The following MAOB variants were observed in gnomAD, a reference collection of about 807,000 sequenced individuals.
MAOB encodes the protein amine oxidase [flavin-containing] B.
Under a neutral mutation model 41.9 loss-of-function variants are expected in MAOB, and 15 were observed. The observed-to-expected ratio is 0.36, with a 90% CI of 0.24 to 0.55. MAOB has a LOEUF of 0.55. Ranked by LOEUF, MAOB falls within the 20% of genes least tolerant of loss-of-function variation. The probability of loss-of-function intolerance (pLI) is 0.86; values close to 1 mark genes in which losing one functional copy is unlikely to be tolerated. For missense variants in MAOB, 345 were observed against 398.7 expected (o/e 0.87, Z 1.15); for synonymous variants, 167 against 144.2 (o/e 1.16, Z -1.13).
chrX:43,842,128 G>T (rs1291544796), intron 2 of MAOB, among the ~76,000 whole-genome samples: 4 of 111,798 alleles, frequency 3.6e-5, no homozygotes, highest in Non-Finnish European at 5.7e-5. Context: ...TAAAATGATA[G>T]TTTTCTTTAC....
At chrX:43,868,208 G>A (rs914887297) in intron 1 of MAOB, among the ~76,000 whole-genome samples, 1 of 112,466 alleles carries the variant, frequency 8.9e-6, no homozygotes, top group Non-Finnish European at 1.9e-5. Flanking sequence ...GAAAAGAAAT[G>A]CTTTCCTATT....
At chrX:43,790,350 A>T (rs1289118087) in intron 8 of MAOB, among the ~76,000 whole-genome samples, 3 of 111,791 alleles carry the variant, frequency 2.7e-5, no homozygotes, top group African/African-American at 9.8e-5. Context: ...GTGAGTCTGG[A>T]GCCCTACTTG....
chrX:43,795,637 G>T, intron 7 of MAOB, 102 bp downstream of exon 7: 1 of 682,250 alleles, frequency 1.5e-6, no homozygotes, highest in Non-Finnish European at 2.2e-6. Context: ...ATCAATCATT[G>T]GCATCAAAGG....
chrX:43,808,942 T>C (rs1016098617), intron 3 of MAOB, among the ~76,000 whole-genome samples: 4 of 110,685 alleles, frequency 3.6e-5, no homozygotes, highest in African/African-American at 1.3e-4. Flanking sequence ...CGACCTCAAG[T>C]AATCCTCCCA....
At chrX:43,828,606 GC>G (rs1233199949) in intron 3 of MAOB, among the ~76,000 whole-genome samples, 3 of 111,333 alleles carry the variant, frequency 2.7e-5, no homozygotes, top group African/African-American at 9.8e-5. Flanking sequence ...TTGAGGGCCT[GC>G]CCCGCAATTC....
At chrX:43,768,785 G>A in intron 13 of MAOB, 69 bp from the exon 14 acceptor site, 1 of 885,293 alleles carries the variant, frequency 1.1e-6, no homozygotes, top group Non-Finnish European at 1.7e-6. Context: ...GCTCCCTAAA[G>A]GACTAAGTAA....
At chrX:43,790,904 G>A (rs149821006) in intron 8 of MAOB, among the ~76,000 whole-genome samples, 11 of 111,880 alleles carry the variant, frequency 9.8e-5, no homozygotes, top group Admixed American at 6.6e-4. Context: ...AGGCATGAAT[G>A]GAAAGTTACA....
intron 3 of MAOB, among the ~76,000 whole-genome samples, chrX:43,811,529 T>C (rs993976450): frequency 6.3e-5 from 7 of 111,812 alleles, no homozygotes; most frequent in Admixed American, 9.5e-5. Context: ...AGGACCAAGC[T>C]TTCCTTTTGA....
At chrX:43,860,843 A>G (rs1468261020) in intron 1 of MAOB, among the ~76,000 whole-genome samples, 1 of 110,989 alleles carries the variant, frequency 9.0e-6, no homozygotes, top group Non-Finnish European at 1.9e-5. Flanking sequence ...GTTCCTTGAA[A>G]ATGCAAGGGT....
intron 1 of MAOB, among the ~76,000 whole-genome samples, chrX:43,866,242 G>A (rs1442883832): frequency 1.8e-5 from 2 of 111,652 alleles, no homozygotes; most frequent in Non-Finnish European, 3.8e-5. Flanking sequence ...TGTTAACACA[G>A]GTCACCTCAG....
intron 1 of MAOB, among the ~76,000 whole-genome samples, chrX:43,851,821 A>T (rs963528532): frequency 1.8e-5 from 2 of 111,923 alleles, no homozygotes; most frequent in Non-Finnish European, 3.8e-5. Context: ...CAAGGAAAAG[A>T]AGTCTGAGTG....
intron 3 of MAOB, among the ~76,000 whole-genome samples, chrX:43,837,318 T>C (rs761721360): frequency 1.4e-4 from 16 of 112,552 alleles, no homozygotes; most frequent in South Asian, 3.7e-4. Flanking sequence ...TGTCTCTTTT[T>C]CTCCTAGACA....
chrX:43,871,983 A>C (rs964719659), intron 1 of MAOB, among the ~76,000 whole-genome samples: 17 of 112,035 alleles, frequency 1.5e-4, no homozygotes, highest in African/African-American at 5.5e-4. Context: ...CAGCTGTTAC[A>C]ATAGGCTGTG....
At chrX:43,827,038 G>A (rs1279959831) in intron 3 of MAOB, among the ~76,000 whole-genome samples, 1 of 111,761 alleles carries the variant, frequency 8.9e-6, no homozygotes, top group Non-Finnish European at 1.9e-5. Context: ...TAATAAAGCA[G>A]AGAAAGCCTA....
At chrX:43,837,519 G>T (rs1192031711) in intron 3 of MAOB, among the ~76,000 whole-genome samples, 1 of 112,213 alleles carries the variant, frequency 8.9e-6, no homozygotes, top group African/African-American at 3.2e-5. Flanking sequence ...AAATTTGAAG[G>T]TCAACCAAAA....
intron 4 of MAOB, 61 bp downstream of exon 4, chrX:43,803,239 T>C: frequency 9.8e-7 from 1 of 1,024,298 alleles, no homozygotes. Context: ...TTTTACTTTC[T>C]TTCTTTGAAG....
At chrX:43,783,996 T>G (rs2034369087) in intron 8 of MAOB, among the ~76,000 whole-genome samples, 2 of 112,187 alleles carry the variant, frequency 1.8e-5, no homozygotes, top group Non-Finnish European at 3.8e-5. Flanking sequence ...AGAAATCACG[T>G]TCTTTGCACA....
intron 5 of MAOB, among the ~76,000 whole-genome samples, chrX:43,800,019 C>G (rs1161566751): frequency 8.9e-6 from 1 of 111,815 alleles, no homozygotes; most frequent in Non-Finnish European, 1.9e-5. Context: ...TTAGTTTGAA[C>G]AACAATAGGT....
intron 3 of MAOB, among the ~76,000 whole-genome samples, chrX:43,813,703 GTTCA>G (rs373634990): frequency 6.3e-5 from 7 of 111,569 alleles, no homozygotes; most frequent in African/African-American, 1.3e-4. Context: ...TGTCACATCA[GTTCA>G]TTCATTCATT....
Sources: gnomAD v4.1 joint callset for allele counts (sites outside exome capture counted in the v4.1 genomes callset) on GRCh38, gnomAD v4.1.1 for gene constraint, MANE v1.5 for transcripts, NCBI Gene and HGNC (gene_info 2026-07-23, HGNC 2026-07-21) for gene names.